Variants in ADGRB1 observed in about 807,000 individuals in gnomAD.
ADGRB1 encodes brain-specific angiogenesis inhibitor 1.
ADGRB1 carries 36 observed loss-of-function variants against 175.7 expected under a neutral mutation model. The ratio of observed to expected loss-of-function variants is 0.20; its 90% CI spans 0.16 to 0.27. The LOEUF (loss-of-function observed/expected upper bound fraction) is 0.27, where lower values mean the gene tolerates loss of function less well. Among genes scored for constraint, ADGRB1 ranks in the 10% least tolerant of loss-of-function variants. The probability of loss-of-function intolerance (pLI) is 1.00; values close to 1 mark genes in which losing one functional copy is unlikely to be tolerated. For synonymous variants in ADGRB1, 1,054 were observed against 979.4 expected, an observed-to-expected ratio of 1.08 and a Z score of -1.42; for missense variants, 1,731 against 2,255.3, an observed-to-expected ratio of 0.77 and a Z score of 4.71.
At chr8:142,539,319 C>T in intron 26 of ADGRB1, 55 bp from the exon 27 acceptor site, 1 of 1,544,676 alleles carries the variant, frequency 6.5e-7, no homozygotes, top group East Asian at 2.4e-5. Flanking sequence ...TGCACGCGTG[C>T]ACACACCCCC....
At chr8:142,459,387 G>A (rs1039533096) in intron 1 of ADGRB1, among the ~76,000 whole-genome samples, 3 of 152,180 alleles carry the variant, frequency 2.0e-5, no homozygotes, top group African/African-American at 7.2e-5. Flanking sequence ...CAGCCCAGGG[G>A]AGCCGAGGCC....
At chr8:142,515,153 T>C (rs77885645) in intron 18 of ADGRB1, among the ~76,000 whole-genome samples, 10,888 of 152,058 alleles carry the variant, frequency 0.072, 1,277 homozygotes, top group African/African-American at 0.25. Context: ...TGGTGACTTC[T>C]GTGCTGGGAG....
chr8:142,542,132 C>T lies in ADGRB1; in HGVS notation c.3898C>T (p.Pro1300Ser), dbSNP rs1348242038. ...GSPRYPGGPL[P>S]DFPNHSLTLK... ...ACCCCGCTATCCCGGCGGGCCCCTG[C>T]CCGACTTCCCCAACCACTCACTGAC... Residue 1300 changes from proline (P) to serine (S), a missense_variant, in exon 28 of 31, where the codon CCC becomes TCC. This residue lies in a region of ADGRB1 where 394 missense variants were observed against 410.2 expected (regional missense o/e 0.96). Transcript: ENST00000517894. This position sits in a 1 kb window ranked among gnomAD's most constrained non-coding sequence, Gnocchi z 6.3. 2.5e-6 allele frequency: 4 copies of T among 1,613,500 alleles called. No individual in the cohort carries two copies. The highest frequency in any genetic ancestry group is 3.4e-6 in the Non-Finnish European group (4 of 1,179,800).
At chr8:142,498,199 C>T (rs925588954) in intron 17 of ADGRB1, among the ~76,000 whole-genome samples, 1 of 152,206 alleles carries the variant, frequency 6.6e-6, no homozygotes, top group Non-Finnish European at 1.5e-5. Context: ...CTCCGATCTG[C>T]AGTGAATCCT....
In ADGRB1 at chr8:142,537,235, G is replaced by C. The variant is rs999952356; in HGVS notation, c.3666+153G>C. Among the ~76,000 whole-genome samples, 3 of 152,074 alleles carry C rather than the reference G, an allele frequency of 2.0e-5. No individual in the cohort carries two copies. The highest frequency in any genetic ancestry group is 1.3e-4 in the Admixed American group (2 of 15,278). On this transcript the variant is annotated intron_variant, in intron 26 of 30. Transcript: ENST00000517894. This position sits in a 1 kb window ranked among gnomAD's most constrained non-coding sequence, Gnocchi z 4.6. ...CCAGTGTGCAGTTGGGGAAACTGAG[G>C]CTCGCCAAGTGGAACCCCTGGTCCG...
At position 142,537,290 on chromosome 8, in the gene ADGRB1, T is replaced by TA. The variant is rs1844988388; in HGVS notation, c.3666+208_3666+209insA. 6.6e-6 allele frequency among the ~76,000 whole-genome samples: 1 copy of TA among 152,088 alleles called. No homozygotes were observed. The highest frequency in any genetic ancestry group is 1.5e-5 in the Non-Finnish European group (1 of 67,980). ...TTCCAGCTGGGAAGGCCTGAGCTGA[T>TA]GAGTTTGGAGGTCTCAGCGGAGGCT... On this transcript the variant is annotated intron_variant, in intron 26 of 30. Transcript: ENST00000517894. The surrounding 1 kb of genome is among the most constrained non-coding windows in gnomAD (Gnocchi z 4.6).
intron 1 of ADGRB1, among the ~76,000 whole-genome samples, chr8:142,451,273 C>A (rs1245639238): frequency 2.6e-5 from 4 of 152,336 alleles, no homozygotes; most frequent in African/African-American, 9.6e-5. Flanking sequence ...TGGCCACTCC[C>A]CGGCAGCCTG....
rs1587395540 is a variant in ADGRB1 at position 142,518,391 on chromosome 8, C to T, written c.2921+150C>T. On this transcript the variant is annotated intron_variant, in intron 19 of 30. Coordinates refer to ENST00000517894, the MANE Select transcript of ADGRB1 (RefSeq NM_001702.3). ...CCTCCGCATTTGCCACGGAACCAGC[C>T]ATGCTGTGGCCCCTCCGAGGCCTCC... The T allele has an allele frequency of 5.6e-5, 41 of 737,412 alleles. No homozygotes were observed. The East Asian group carries it at 1.1e-3, about 20-fold the overall frequency. The allele number at this position is 737,412 out of a possible 1,614,324, so 45.7% of individuals were successfully genotyped here.
chr8:142,534,656 C>T (rs1844824444), intron 25 of ADGRB1, among the ~76,000 whole-genome samples: 1 of 152,232 alleles, frequency 6.6e-6, no homozygotes, highest in Non-Finnish European at 1.5e-5. Flanking sequence ...TCCACACTTA[C>T]ATCCCAGCAG....
intron 17 of ADGRB1, among the ~76,000 whole-genome samples, chr8:142,500,085 C>T (rs1009226558): frequency 3.9e-5 from 6 of 152,080 alleles, no homozygotes; most frequent in Admixed American, 6.5e-5. Flanking sequence ...GCGACTGGGG[C>T]CCCCAGGGCT....
At chr8:142,463,093 T>G (rs1840058579) in intron 1 of ADGRB1, among the ~76,000 whole-genome samples, 1 of 152,202 alleles carries the variant, frequency 6.6e-6, no homozygotes, top group South Asian at 2.1e-4. Context: ...ATTCTCTCTG[T>G]GTCTCAGTTT....
chr8:142,476,041 C>A (rs961884115), intron 3 of ADGRB1, among the ~76,000 whole-genome samples: 1 of 152,152 alleles, frequency 6.6e-6, no homozygotes, highest in African/African-American at 2.4e-5. Context: ...GGAAGGCTGG[C>A]TGTGGGACCT....
rs1052004985 is a variant in ADGRB1, at chr8:142,479,473, C to T, written c.1712C>T (p.Thr571Ile). The T allele has an allele frequency of 5.5e-5, 85 of 1,552,156 alleles. No individual in the cohort carries two copies. Among genetic ancestry groups the T allele is most frequent in the Non-Finnish European group, 6.9e-5 (80 of 1,155,738 alleles). ...GPQDEYRQCG[T>I]QRCPEPHEIC... ...CAGGATGAGTACCGGCAGTGCGGCACCCAGCGGTGTCCCGGTGAGGCCCCT... is the reference window on the plus strand; with the variant it reads ...CAGGATGAGTACCGGCAGTGCGGCATCCAGCGGTGTCCCGGTGAGGCCCCT... Residue 571 changes from threonine (T) to isoleucine (I), a missense_variant, in exon 8 of 31, where the codon ACC (threonine) becomes ATC (isoleucine). Transcript: ENST00000517894.
chr8:142,500,203 C>T (rs973586988), intron 17 of ADGRB1, among the ~76,000 whole-genome samples: 2 of 150,234 alleles, frequency 1.3e-5, no homozygotes, highest in African/African-American at 4.9e-5. Context: ...CGCCCCACAC[C>T]GCTCCTCCAC....
At chr8:142,541,198 C>T (rs1845251332) in intron 27 of ADGRB1, among the ~76,000 whole-genome samples, 1 of 152,008 alleles carries the variant, frequency 6.6e-6, no homozygotes, top group African/African-American at 2.4e-5. Flanking sequence ...ACCCCTCTGT[C>T]AGGGGCAGGC....
chr8:142,476,990 G>T, intron 4 of ADGRB1, 124 bp from the exon 5 acceptor site: 3 of 1,334,348 alleles, frequency 2.2e-6, no homozygotes, highest in Non-Finnish European at 3.0e-6. Context: ...CGAAGGCCCG[G>T]GGGCTCTGCC....
intron 24 of ADGRB1, among the ~76,000 whole-genome samples, chr8:142,529,643 T>C (rs1317821292): frequency 1.3e-5 from 2 of 151,816 alleles, no homozygotes; most frequent in Non-Finnish European, 2.9e-5. Flanking sequence ...AGCATGCATC[T>C]GTATATGCGT....
rs1842047416 is a variant in ADGRB1, at chr8:142,492,903, G to A, written c.2675+2088G>A. ...ACCAGCACAGGCCCCTCCCCACAGT[G>A]CAGAAACCCTCCATCCGGGCTGTTC... On this transcript the variant is annotated intron_variant, in intron 17 of 30. Coordinates refer to ENST00000517894, the MANE Select transcript of ADGRB1 (RefSeq NM_001702.3). The surrounding 1 kb of genome is among the most constrained non-coding windows in gnomAD (Gnocchi z 4.4). 6.6e-6 allele frequency among the ~76,000 whole-genome samples: 1 copy of A among 151,980 alleles called. No homozygotes were observed. Among genetic ancestry groups the A allele is most frequent in the South Asian group, 2.1e-4 (1 of 4,814 alleles).
In ADGRB1 at chr8:142,489,637, A is replaced by G. The variant is rs74386763; in HGVS notation, c.2631+199A>G. On this transcript the variant is annotated intron_variant, in intron 16 of 30. Transcript: ENST00000517894. ...CTTGCCCGGGGTCACACAGCAAGTGAGGTGCCGAAACCCCATCTGTGCCTG... is the reference window on the plus strand; with the variant it reads ...CTTGCCCGGGGTCACACAGCAAGTGGGGTGCCGAAACCCCATCTGTGCCTG... Among the ~76,000 whole-genome samples, 77 of 152,236 alleles carry G rather than the reference A, an allele frequency of 5.1e-4. No individual in the cohort carries two copies. In the East Asian group the frequency reaches 0.015, roughly 29 times the overall value.
Sources: gnomAD v4.1 joint callset for allele counts (sites outside exome capture counted in the v4.1 genomes callset) on GRCh38, gnomAD v4.1.1 for gene constraint, gnomAD v4.1.1 regional missense constraint, Gnocchi (gnomAD v3.1) non-coding constraint, MANE v1.5 for transcripts, NCBI Gene and HGNC (gene_info 2026-07-23, HGNC 2026-07-21) for gene names.